The following UBXN4 variants were observed in gnomAD, a reference collection of about 807,000 sequenced individuals.
UBXN4 encodes the protein UBX domain protein 4.
UBXN4 carries 35 observed loss-of-function variants against 66.2 expected under a neutral mutation model. The ratio of observed to expected loss-of-function variants is 0.53; its 90% confidence interval spans 0.40 to 0.70. The LOEUF (loss-of-function observed/expected upper bound fraction) is 0.70, where lower values mean the gene tolerates loss of function less well. UBXN4 is among the 30% of genes least tolerant of loss of function. UBXN4 has a pLI of 0.00. For synonymous variants in UBXN4, 203 were observed against 204.5 expected (o/e 0.99, Z 0.06); for missense variants, 533 against 599.8 (o/e 0.89, Z 1.16).
chr2:135,774,206 C>A (rs933171688), intron 9 of UBXN4, among the ~76,000 whole-genome samples: 4 of 152,256 alleles, frequency 2.6e-5, no homozygotes, highest in African/African-American at 9.6e-5. Flanking sequence ...TAAACCCTTA[C>A]ATTTATGAAC....
intron 8 of UBXN4, among the ~76,000 whole-genome samples, 178 bp downstream of exon 8, chr2:135,770,913 A>AT: frequency 6.6e-6 from 1 of 152,160 alleles, no homozygotes; most frequent in Non-Finnish European, 1.5e-5. Flanking sequence ...AATTGAGTTG[A>AT]TTTTTTTGAA....
chr2:135,774,477 G>A (rs553509729), intron 9 of UBXN4, among the ~76,000 whole-genome samples: 2 of 152,244 alleles, frequency 1.3e-5, no homozygotes, highest in South Asian at 2.1e-4. Context: ...TAAAAGCACA[G>A]GAACAAAATT....
Position 135,784,446 on chromosome 2 carries a change from G to A in UBXN4, c.*1559G>A, listed in dbSNP as rs2077471225. ...TGCAAACACATTTTCTACATAGATA[G>A]TACTAGGTATTAATAGATATGTAAA... On this transcript the variant is annotated 3_prime_UTR_variant, in exon 13 of 13. Transcript: ENST00000272638. 6.6e-6 allele frequency: 1 copy of A among 152,126 alleles called. No individual in the cohort carries two copies. 9.4% of individuals were successfully genotyped at this position (152,126 alleles called of 1,614,324 possible). A position where few individuals can be genotyped will look rare whatever the true frequency, so the allele number is the denominator to read the frequency against.
rs540822093 is a variant in UBXN4, at chr2:135,747,704, C to T, written c.83-563C>T. ...GGCTGGAGTGCAGTGGTGCAATCTC[C>T]GCTCACTGCAACTTCCACCTTCCGA... is the stretch of plus-strand genomic sequence containing the variant. On this transcript the variant is annotated intron_variant, in intron 1 of 12. Transcript: ENST00000272638. 1.2e-4 allele frequency: 55 copies of T among 455,906 alleles called. No homozygotes were observed. The East Asian group carries it at 1.9e-3, about 16-fold the overall frequency. The allele number at this position is 455,906 out of a possible 1,614,324, so 28.2% of individuals were successfully genotyped here.
chr2:135,770,345 T>G (rs559128784), intron 7 of UBXN4, among the ~76,000 whole-genome samples: 3 of 152,304 alleles, frequency 2.0e-5, no homozygotes, highest in Admixed American at 6.5e-5. Flanking sequence ...GACCTGTAAT[T>G]ATGCTTGCCT....
rs1007710127 is a variant in UBXN4, at chr2:135,783,526, C to T, written c.*639C>T. The T allele has an allele frequency of 1.5e-4, 22 of 151,630 alleles. No individual in the cohort carries two copies. Among genetic ancestry groups the T allele is most frequent in the African/African-American group, 4.6e-4 (19 of 41,260 alleles). 9.4% of individuals were successfully genotyped at this position (151,630 alleles called of 1,614,324 possible). On this transcript the variant is annotated 3_prime_UTR_variant, in exon 13 of 13. Coordinates refer to ENST00000272638, the MANE Select transcript of UBXN4 (RefSeq NM_014607.4). ...TTCCCCAGTATTGCCCTGGAGCTGT[C>T]TCTGGAAAGTAGCTGGCGAGGTTAC...
At chr2:135,781,453 G>A (rs886671432) in intron 12 of UBXN4, among the ~76,000 whole-genome samples, 1 of 152,130 alleles carries the variant, frequency 6.6e-6, no homozygotes, top group Non-Finnish European at 1.5e-5. Context: ...GCCTTTTATA[G>A]GCATTATAAC....
intron 6 of UBXN4, among the ~76,000 whole-genome samples, chr2:135,767,071 C>G: frequency 6.6e-6 from 1 of 151,942 alleles, no homozygotes; most frequent in Non-Finnish European, 1.5e-5. Flanking sequence ...TAGAAAATTA[C>G]CAGTGCTAGT....
chr2:135,766,566 C>T (rs779238601), intron 6 of UBXN4, among the ~76,000 whole-genome samples: 45 of 152,164 alleles, frequency 3.0e-4, no homozygotes, highest in Non-Finnish European at 6.6e-4. Flanking sequence ...TTTGAAGAGT[C>T]TAGGTTAGTT....
chr2:135,761,708 T>C, intron 5 of UBXN4, 110 bp from the exon 6 acceptor site: 6 of 921,844 alleles, frequency 6.5e-6, no homozygotes, highest in Admixed American at 3.3e-5. Context: ...GGAAAATATA[T>C]AATGCTTAAG....
rs997906678 is a variant in UBXN4 at position 135,779,388 on chromosome 2, G to C, written c.1185+309G>C. Among the ~76,000 whole-genome samples, 63 of 152,266 alleles carry C rather than the reference G, an allele frequency of 4.1e-4. 1 individual carries two copies. Among genetic ancestry groups the C allele is most frequent in the Admixed American group, 4.1e-3 (62 of 15,282 alleles). ...ATTATCTGTCTAATCCACACACTTA[G>C]TGTCTTTTATTTATATATGCTCTAC... On this transcript the variant is annotated intron_variant, in intron 11 of 12. Transcript: ENST00000272638.
At chr2:135,768,827 T>C (rs1010588422) in intron 6 of UBXN4, among the ~76,000 whole-genome samples, 5 of 152,018 alleles carry the variant, frequency 3.3e-5, no homozygotes, top group African/African-American at 1.2e-4. Context: ...CCTCCCAAAG[T>C]GCTGGGATTG....
At chr2:135,745,973 G>A (rs2077205497) in intron 1 of UBXN4, among the ~76,000 whole-genome samples, 1 of 136,556 alleles carries the variant, frequency 7.3e-6, no homozygotes, top group African/African-American at 2.7e-5. Flanking sequence ...CACTTCCCTG[G>A]TTCAAGCGAT....
intron 2 of UBXN4, among the ~76,000 whole-genome samples, chr2:135,750,505 C>CA (rs1351476357): frequency 6.6e-6 from 1 of 150,478 alleles, no homozygotes; most frequent in African/African-American, 2.4e-5. Context: ...GACTCCGTCT[C>CA]AAAAAAAATA....
At chr2:135,751,922 C>T (rs1225488323) in intron 2 of UBXN4, among the ~76,000 whole-genome samples, 1 of 152,104 alleles carries the variant, frequency 6.6e-6, no homozygotes. Flanking sequence ...ATTCTCTCTC[C>T]CATCCCTGAC....
At chr2:135,756,163 G>T (rs941137097) in intron 5 of UBXN4, among the ~76,000 whole-genome samples, 21 of 152,180 alleles carry the variant, frequency 1.4e-4, no homozygotes, top group African/African-American at 4.8e-4. Flanking sequence ...AGGTGTGACT[G>T]TAAACTCATT....
Position 135,783,791 on chromosome 2 carries a change from T to C in UBXN4, c.*904T>C, listed in dbSNP as rs2077464960. ...TACCTATAGGACAAAAAGTATAGAATAAAAATATGCCTTTAGTCATTTGGT... is the reference window on the plus strand; with the variant it reads ...TACCTATAGGACAAAAAGTATAGAACAAAAATATGCCTTTAGTCATTTGGT... On this transcript the variant is annotated 3_prime_UTR_variant, in exon 13 of 13. Transcript: ENST00000272638. The C allele has an allele frequency of 6.6e-6, 1 of 152,238 alleles. No homozygotes were observed. Among genetic ancestry groups the C allele is most frequent in the African/African-American group, 2.4e-5 (1 of 41,468 alleles). The allele number at this position is 152,238 out of a possible 1,614,324, so 9.4% of individuals were successfully genotyped here.
chr2:135,770,474 A>G lies in UBXN4; in HGVS notation c.658-97A>G, dbSNP rs931063926. On this transcript the variant is annotated intron_variant, in intron 7 of 12. Coordinates refer to ENST00000272638, the MANE Select transcript of UBXN4 (RefSeq NM_014607.4). Reference sequence around the variant, plus strand: ...ACTCGTCTAGACTTACATTTTATGAAGTTTTATTCTTTTAACTGCAGTTTT... The same window carrying G: ...ACTCGTCTAGACTTACATTTTATGAGGTTTTATTCTTTTAACTGCAGTTTT... 6.3e-6 allele frequency: 5 copies of G among 789,424 alleles called. No homozygotes were observed. In the African/African-American group the frequency reaches 9.0e-5, roughly 14 times the overall value. The allele number at this position is 789,424 out of a possible 1,614,324, so 48.9% of individuals were successfully genotyped here. A position where few individuals can be genotyped will look rare whatever the true frequency, so the allele number is the denominator to read the frequency against.
chr2:135,751,827 A>T (rs2077243972), intron 2 of UBXN4, among the ~76,000 whole-genome samples: 1 of 151,944 alleles, frequency 6.6e-6, no homozygotes, highest in Admixed American at 6.6e-5. Flanking sequence ...TATTTGAGGG[A>T]AAAAAGCAAA....
Sources: gnomAD v4.1 joint callset for allele counts (sites outside exome capture counted in the v4.1 genomes callset) on GRCh38, gnomAD v4.1.1 for gene constraint, MANE v1.5 for transcripts, NCBI Gene and HGNC (gene_info 2026-07-23, HGNC 2026-07-21) for gene names.